Variants in DYNC1I2 observed in about 807,000 individuals in gnomAD.
DYNC1I2 encodes cytoplasmic dynein 1 intermediate chain 2.
DYNC1I2 carries 53 observed loss-of-function variants against 88.6 expected under a neutral mutation model. That is an observed-to-expected ratio of 0.60 (90% confidence interval 0.48 to 0.75). DYNC1I2 has a LOEUF of 0.75. Ranked by LOEUF, DYNC1I2 falls within the 30% of genes least tolerant of loss-of-function variation. The pLI, the probability that DYNC1I2 is intolerant of heterozygous loss-of-function variation, is 0.00. For missense variants in DYNC1I2, 458 were observed against 766.6 expected (o/e 0.60, Z 4.75); for synonymous variants, 198 against 254.6 (o/e 0.78, Z 2.12).
At position 171,744,034 on chromosome 2, in the gene DYNC1I2, A is replaced by G. The variant is rs1312480539; in HGVS notation, c.1537-15A>G. 5.0e-6 allele frequency: 8 copies of G among 1,603,668 alleles called. No homozygotes were observed. The African/African-American group carries it at 5.4e-5, about 11-fold the overall frequency. On this transcript the variant is annotated splice_polypyrimidine_tract_variant and intron_variant, in intron 15 of 17. Coordinates refer to ENST00000397119, the MANE Select transcript of DYNC1I2 (RefSeq NM_001378.3). Reference sequence around the variant, plus strand: ...CATATATGGACTGTGCTAAGAATCAACTTTTCTCTTTCAGAATAACAAGCC... The same window carrying G: ...CATATATGGACTGTGCTAAGAATCAGCTTTTCTCTTTCAGAATAACAAGCC...
intron 15 of DYNC1I2, among the ~76,000 whole-genome samples, chr2:171,737,544 A>T (rs1362947750): frequency 6.6e-6 from 1 of 152,086 alleles, no homozygotes; most frequent in African/African-American, 2.4e-5. Flanking sequence ...CAGCCTCCCA[A>T]ACAGCTGGGA....
rs573843947 is a variant in DYNC1I2 at position 171,695,230 on chromosome 2, G to C, written c.226+2336G>C. On this transcript the variant is annotated intron_variant, in intron 3 of 17. Transcript: ENST00000397119. ...TTCTCCTGCCTCAGCCTCCCAAGTA[G>C]CTGGGATTACAGGCACGTGCCACCA... 3.3e-5 allele frequency among the ~76,000 whole-genome samples: 5 copies of C among 152,096 alleles called. No homozygotes were observed. The South Asian group carries it at 1.0e-3, about 32-fold the overall frequency.
chr2:171,699,633 TGGC>T (rs1686064719), intron 3 of DYNC1I2, among the ~76,000 whole-genome samples: 1 of 137,240 alleles, frequency 7.3e-6, no homozygotes, highest in Non-Finnish European at 1.6e-5. Context: ...TGTGTGTGTG[TGGC>T]GGCGGGCGGG....
chr2:171,739,622 A>AT (rs987236321), intron 15 of DYNC1I2, among the ~76,000 whole-genome samples: 72 of 146,868 alleles, frequency 4.9e-4, no homozygotes, highest in Non-Finnish European at 8.0e-4. Flanking sequence ...TCAGTGTTCA[A>AT]TTTTTTTTTT....
chr2:171,740,587 A>C (rs1689356629), intron 15 of DYNC1I2, among the ~76,000 whole-genome samples: 1 of 152,104 alleles, frequency 6.6e-6, no homozygotes, highest in African/African-American at 2.4e-5. Context: ...GATACACAGG[A>C]TATCCTTTCA....
intron 5 of DYNC1I2, among the ~76,000 whole-genome samples, chr2:171,711,303 C>T (rs748952323): frequency 6.6e-6 from 1 of 152,008 alleles, no homozygotes; most frequent in Non-Finnish European, 1.5e-5. Flanking sequence ...GTGCCTGGCC[C>T]ATTTTTCCAT....
At chr2:171,741,416 C>T (rs558680276) in intron 15 of DYNC1I2, among the ~76,000 whole-genome samples, 1 of 152,292 alleles carries the variant, frequency 6.6e-6, no homozygotes, top group East Asian at 1.9e-4. Flanking sequence ...GTTCTGATTT[C>T]CTGTATCTTC....
At chr2:171,703,271 T>C (rs1686411770) in intron 3 of DYNC1I2, among the ~76,000 whole-genome samples, 2 of 152,206 alleles carry the variant, frequency 1.3e-5, no homozygotes, top group Admixed American at 1.3e-4. Context: ...GGCCTCACTC[T>C]GTTACCCAGG....
At position 171,744,178 on chromosome 2, in the gene DYNC1I2, A is replaced by C; in HGVS notation, c.1666A>C (p.Asn556His). Residue 556 changes from asparagine to histidine, a missense_variant, in exon 16 of 18, where the codon AAT becomes CAT. Around this residue, in one of 5 missense-constraint regions of DYNC1I2, gnomAD observed 188 missense variants for 300.4 expected, o/e 0.63. Transcript: ENST00000397119. ...MGRLDLWNLN[N>H]DTEVPTASIS... ...GAGATTGGATTTGTGGAATCTCAAT[A>C]ATGACACAGAGGTGAGCAGGAAAAT... The C allele has an allele frequency of 6.2e-7, 1 of 1,608,078 alleles. No homozygotes were observed. Among genetic ancestry groups the C allele is most frequent in the South Asian group, 1.1e-5 (1 of 89,160 alleles).
intron 3 of DYNC1I2, among the ~76,000 whole-genome samples, chr2:171,699,522 A>G (rs1686045600): frequency 1.3e-5 from 2 of 151,724 alleles, no homozygotes; most frequent in African/African-American, 4.8e-5. Context: ...TTAGATTTCC[A>G]TTTTAAAACT....
intron 6 of DYNC1I2, among the ~76,000 whole-genome samples, chr2:171,713,931 C>T (rs1183855267): frequency 6.6e-6 from 1 of 152,098 alleles, no homozygotes; most frequent in East Asian, 1.9e-4. Context: ...CCCTACCCAC[C>T]TCCTCCTATA....
intron 11 of DYNC1I2, among the ~76,000 whole-genome samples, 185 bp from the exon 12 acceptor site, chr2:171,727,636 A>G (rs1422321507): frequency 2.0e-5 from 3 of 152,176 alleles, no homozygotes; most frequent in Middle Eastern, 3.2e-3. Flanking sequence ...AGCAAAAAAT[A>G]TCTTAAAGAT....
chr2:171,690,093 C>G (rs1023443082), intron 1 of DYNC1I2, 54 bp from the exon 2 acceptor site: 153 of 1,145,112 alleles, frequency 1.3e-4, no homozygotes, highest in Non-Finnish European at 1.8e-4. Context: ...TCTTGGAACA[C>G]TAGTTTTTTC....
At chr2:171,730,407 A>G (rs563560930) in intron 15 of DYNC1I2, among the ~76,000 whole-genome samples, 1 of 152,242 alleles carries the variant, frequency 6.6e-6, no homozygotes, top group African/African-American at 2.4e-5. Context: ...AGCAGTTTAA[A>G]TCATTTATTT....
intron 14 of DYNC1I2, 95 bp downstream of exon 14, chr2:171,728,945 T>A: frequency 7.6e-7 from 1 of 1,320,950 alleles, no homozygotes; most frequent in Non-Finnish European, 1.0e-6. Flanking sequence ...GTCGTAGATC[T>A]ACTTGTTATT....
Position 171,707,135 on chromosome 2 carries a change from C to T in DYNC1I2, c.245-152C>T, listed in dbSNP as rs532319015. ...TTTTGTCTTTTCCCCTTTCTTTCTGCTGTTCATTTTCATTCATATATTTTT... is the reference window on the plus strand; with the variant it reads ...TTTTGTCTTTTCCCCTTTCTTTCTGTTGTTCATTTTCATTCATATATTTTT... On this transcript the variant is annotated intron_variant, in intron 4 of 17. Coordinates refer to ENST00000397119, the MANE Select transcript of DYNC1I2 (RefSeq NM_001378.3). 998 of 1,089,838 alleles carry T rather than the reference C, an allele frequency of 9.2e-4. 5 individuals are homozygous for T. Among genetic ancestry groups the T allele is most frequent in the Middle Eastern group, 7.0e-3 (33 of 4,694 alleles). The allele number at this position is 1,089,838 out of a possible 1,614,324, so 67.5% of individuals were successfully genotyped here. A position where few individuals can be genotyped will look rare whatever the true frequency, so the allele number is the denominator to read the frequency against.
At position 171,725,601 on chromosome 2, in the gene DYNC1I2, T is replaced by TGTTTG; in HGVS notation, c.512-17_512-16insGTTTG. On this transcript the variant is annotated splice_polypyrimidine_tract_variant and intron_variant, in intron 7 of 17. Coordinates refer to ENST00000397119, the MANE Select transcript of DYNC1I2 (RefSeq NM_001378.3). ...CTGTTTTTTTGTTTTTTTGTTTGTT[T>TGTTTG]TTTTTTTTTTTTTCAGATGAAGAGG... The TGTTTG allele has an allele frequency of 4.7e-6, 6 of 1,281,342 alleles. No individual in the cohort carries two copies. The highest frequency in any genetic ancestry group is 3.1e-5 in the Admixed American group (1 of 32,528). The allele number at this position is 1,281,342 out of a possible 1,614,324, so 79.4% of individuals were successfully genotyped here.
intron 7 of DYNC1I2, among the ~76,000 whole-genome samples, chr2:171,720,318 A>G (rs1024589014): frequency 6.6e-6 from 1 of 152,092 alleles, no homozygotes; most frequent in African/African-American, 2.4e-5. Flanking sequence ...TTTCTTCAAT[A>G]CCTGTTGATT....
At chr2:171,726,435 A>G (rs1688259598) in intron 10 of DYNC1I2, 142 bp downstream of exon 10, 4 of 636,522 alleles carry the variant, frequency 6.3e-6, no homozygotes, top group Non-Finnish European at 7.8e-6. Flanking sequence ...TAATGTTAAC[A>G]TACTCATCTT....
Sources: gnomAD v4.1 joint callset for allele counts (sites outside exome capture counted in the v4.1 genomes callset) on GRCh38, gnomAD v4.1.1 for gene constraint, gnomAD v4.1.1 regional missense constraint, MANE v1.5 for transcripts, NCBI Gene and HGNC (gene_info 2026-07-23, HGNC 2026-07-21) for gene names.